Variants in GAB3 observed in about 807,000 individuals in gnomAD.
GAB3 encodes the protein GRB2 associated binding protein 3.
Under a neutral mutation model 40.4 loss-of-function variants are expected in GAB3, and 12 were observed. The ratio of observed to expected loss-of-function variants is 0.30; its 90% CI spans 0.19 to 0.48. The LOEUF (loss-of-function observed/expected upper bound fraction) is 0.48. GAB3 is among the 20% of genes least tolerant of loss of function. The pLI, the probability that GAB3 is intolerant of heterozygous loss-of-function variation, is 0.99. For synonymous variants in GAB3, 154 were observed against 176.7 expected (o/e 0.87, Z 1.02); for missense variants, 381 against 461.9 (o/e 0.82, Z 1.61).
Position 154,680,149 on chromosome X carries a change from G to C in GAB3, c.1630C>G (p.Pro544Ala), listed in dbSNP as rs1307457986. Reference protein sequence around the residue: ...YLALDFNSASPAPMQQKLLLS... With the variant: ...YLALDFNSASAAPMQQKLLLS... ...CTTCCTACCTGCTGCATGGGGGCTGGTGATGCTGAATTGAAGTCCAGGGCC... is the reference window on the plus strand; with the variant it reads ...CTTCCTACCTGCTGCATGGGGGCTGCTGATGCTGAATTGAAGTCCAGGGCC... The change falls in exon 9 of 10, where the codon CCA (proline) becomes GCA (alanine). Residue 544 changes from proline (P) to alanine (A), a missense_variant. Physicochemically the swap from Pro to Ala is conservative, Grantham distance 27. This residue lies in a region of GAB3 where 17 missense variants were observed against 40.9 expected (regional missense o/e 0.42). Transcript: ENST00000424127. 8.3e-7 allele frequency: 1 copy of C among 1,202,237 alleles called. No homozygotes were observed. Among genetic ancestry groups the C allele is most frequent in the Non-Finnish European group, 1.1e-6 (1 of 888,449 alleles).
At chrX:154,701,537 G>A (rs1365773904) in intron 4 of GAB3, among the ~76,000 whole-genome samples, 1 of 112,124 alleles carries the variant, frequency 8.9e-6, no homozygotes, top group East Asian at 2.8e-4. Flanking sequence ...AAGGGAACAT[G>A]GGCAGACAGT....
rs145809921 is a variant in GAB3 at position 154,684,857 on chromosome X, T to C, written c.1531-4609A>G. On this transcript the variant is annotated intron_variant, in intron 8 of 9. Coordinates refer to ENST00000424127, the MANE Select transcript of GAB3 (RefSeq NM_001081573.3). ...TCATGAACTGTGAGCAACTCTAGCA[T>C]TATCCCTTGACATATTGCCTCTCTC... is the stretch of plus-strand genomic sequence containing the variant. Among the ~76,000 whole-genome samples, 7 of 111,869 alleles carry C rather than the reference T, an allele frequency of 6.3e-5. No individual in the cohort carries two copies. In the East Asian group the frequency reaches 1.7e-3, roughly 27 times the overall value.
At chrX:154,679,936 G>T (rs966696191) in intron 9 of GAB3, among the ~76,000 whole-genome samples, 196 bp downstream of exon 9, 1 of 111,971 alleles carries the variant, frequency 8.9e-6, no homozygotes, top group Non-Finnish European at 1.9e-5. Flanking sequence ...CACACACAAA[G>T]AACACACCCT....
chrX:154,680,236 T>A lies in GAB3; in HGVS notation c.1543A>T (p.Thr515Ser). The change falls in exon 9 of 10, where the codon ACA becomes TCA. Residue 515 changes from threonine (T) to serine (S), a missense_variant. By Grantham distance (58) the Thr-to-Ser change is moderately conservative. Around this residue, in one of 2 missense-constraint regions of GAB3, gnomAD observed 364 missense variants for 421.0 expected, o/e 0.86. Transcript: ENST00000424127. ...GCACCACTGCTCAGGGAACTGGCTG[T>A]TCGGTGCTCCTCCTAGGAACCAACA... The part of the protein sequence containing the change: ...ESYIEMEEHR[T>S]ASSLSSGALT... 8.3e-7 allele frequency: 1 copy of A among 1,198,308 alleles called. No homozygotes were observed. The highest frequency in any genetic ancestry group is 1.1e-6 in the Non-Finnish European group (1 of 884,619).
At chrX:154,737,391 T>A (rs1270139281) in intron 1 of GAB3, among the ~76,000 whole-genome samples, 2 of 111,490 alleles carry the variant, frequency 1.8e-5, no homozygotes, top group Middle Eastern at 4.2e-3. Flanking sequence ...ACTTTTCCTC[T>A]TACTCTCTAA....
intron 4 of GAB3, among the ~76,000 whole-genome samples, chrX:154,704,783 G>A (rs782437478): frequency 2.7e-5 from 3 of 111,135 alleles, no homozygotes; most frequent in Non-Finnish European, 5.7e-5. Flanking sequence ...AAATACAAAC[G>A]GTTATTAGAG....
chrX:154,699,651 A>G, intron 5 of GAB3, 138 bp from the exon 6 acceptor site: 2 of 515,375 alleles, frequency 3.9e-6, no homozygotes, highest in East Asian at 7.3e-5. Context: ...AAAGTCAGAC[A>G]AGCCTCTAGC....
intron 9 of GAB3, chrX:154,679,311 G>C (rs782512150): frequency 3.2e-4 from 105 of 323,966 alleles, no homozygotes; most frequent in African/African-American, 2.7e-3. Context: ...CCCTGGACTG[G>C]AGATGACCTG....
At chrX:154,710,507 T>C (rs2070924852) in intron 4 of GAB3, among the ~76,000 whole-genome samples, 2 of 111,706 alleles carry the variant, frequency 1.8e-5, no homozygotes, top group African/African-American at 3.3e-5. Context: ...ACATGGGCAC[T>C]TCATCTATGG....
At chrX:154,682,248 CTT>C (rs782308966) in intron 8 of GAB3, among the ~76,000 whole-genome samples, 48 of 111,969 alleles carry the variant, frequency 4.3e-4, no homozygotes, top group African/African-American at 1.2e-3. Flanking sequence ...ATTTTACTAA[CTT>C]AGTAATTCTA....
At chrX:154,710,070 A>T in intron 4 of GAB3, among the ~76,000 whole-genome samples, 2 of 110,110 alleles carry the variant, frequency 1.8e-5, no homozygotes, top group South Asian at 9.0e-4. Flanking sequence ...TAATCAGTAC[A>T]TAATGCATAT....
At chrX:154,727,429 C>T (rs1557259490) in intron 1 of GAB3, among the ~76,000 whole-genome samples, 1 of 112,920 alleles carries the variant, frequency 8.9e-6, no homozygotes, top group Non-Finnish European at 1.9e-5. Context: ...CTGCCTCCAG[C>T]ACTAGAATGT....
At chrX:154,741,220 C>T (rs974478242) in intron 1 of GAB3, among the ~76,000 whole-genome samples, 7 of 111,863 alleles carry the variant, frequency 6.3e-5, no homozygotes, top group East Asian at 2.8e-4. Context: ...GTGAAGCCTC[C>T]GCCGCCACGT....
At chrX:154,700,717 G>A (rs781809854) in intron 4 of GAB3, among the ~76,000 whole-genome samples, 1 of 110,921 alleles carries the variant, frequency 9.0e-6, no homozygotes, top group African/African-American at 3.3e-5. Context: ...GAAACTTGGG[G>A]GTATGGTGCC....
chrX:154,683,158 G>T (rs1177462895), intron 8 of GAB3, among the ~76,000 whole-genome samples: 1 of 111,736 alleles, frequency 8.9e-6, no homozygotes, highest in African/African-American at 3.3e-5. Flanking sequence ...GGAGCTTTGT[G>T]TACATGGATG....
At chrX:154,698,235 A>G (rs781956832) in intron 6 of GAB3, among the ~76,000 whole-genome samples, 12 of 111,950 alleles carry the variant, frequency 1.1e-4, no homozygotes, top group Non-Finnish European at 2.3e-4. Context: ...GAACCTCATA[A>G]GACAGGGTCT....
At position 154,712,580 on chromosome X, in the gene GAB3, A is replaced by G. The variant is rs2070969796; in HGVS notation, c.718T>C (p.Cys240Arg). 1 of 1,158,325 alleles carries G rather than the reference A, an allele frequency of 8.6e-7. No homozygotes were observed. Among genetic ancestry groups the G allele is most frequent in the African/African-American group, 1.8e-5 (1 of 55,276 alleles). ...LPSSHLVHPS[C>R]HGSGAQEVPS... ...ACCTCCTGAGCTCCACTGCCATGGC[A>G]TGAGGGGTGGACCAAATGACTGGAG... is the stretch of plus-strand genomic sequence containing the variant. Residue 240 changes from cysteine (C) to arginine (R), a missense_variant, in exon 4 of 10, where the codon TGC becomes CGC. This residue lies in a region of GAB3 where 364 missense variants were observed against 421.0 expected (regional missense o/e 0.86). Transcript: ENST00000424127.
intron 1 of GAB3, among the ~76,000 whole-genome samples, chrX:154,721,659 G>A (rs1330105303): frequency 8.9e-6 from 1 of 112,229 alleles, no homozygotes; most frequent in Non-Finnish European, 1.9e-5. Context: ...TATATGAAAA[G>A]ATGCTCGATA....
intron 1 of GAB3, among the ~76,000 whole-genome samples, chrX:154,742,641 A>C (rs2071460275): frequency 9.0e-6 from 1 of 111,631 alleles, no homozygotes; most frequent in Admixed American, 9.5e-5. Context: ...AAGATCTCAT[A>C]TCAATGGCCA....
Sources: allele counts gnomAD v4.1 joint callset (sites outside exome capture counted in the v4.1 genomes callset), GRCh38; gene constraint gnomAD v4.1.1; regional missense constraint gnomAD v4.1.1; transcripts MANE v1.5; gene names NCBI Gene and HGNC (gene_info 2026-07-23, HGNC 2026-07-21).